The following DZIP3 variants were observed in gnomAD, a reference collection of about 807,000 sequenced individuals.
DZIP3 encodes DAZ interacting zinc finger protein 3, also known as E3 ubiquitin-protein ligase DZIP3.
DZIP3 carries 118 observed loss-of-function variants against 162.0 expected under a neutral mutation model. The ratio of observed to expected loss-of-function variants is 0.73; its 90% CI spans 0.63 to 0.85. The LOEUF (loss-of-function observed/expected upper bound fraction) is 0.85. DZIP3 is among the 40% of genes least tolerant of loss of function. The pLI, the probability that DZIP3 is intolerant of heterozygous loss-of-function variation, is 0.00. For missense variants in DZIP3, 1,331 were observed against 1,407.0 expected (o/e 0.95, Z 0.86); for synonymous variants, 438 against 458.6 (o/e 0.96, Z 0.57).
chr3:108,673,922 A>C (rs1944011066), intron 23 of DZIP3, among the ~76,000 whole-genome samples, 156 bp from the exon 24 acceptor site: 1 of 151,996 alleles, frequency 6.6e-6, no homozygotes, highest in African/African-American at 2.4e-5. Flanking sequence ...GCATTGATTT[A>C]AAAGCTTTTG....
At chr3:108,619,453 A>G (rs1941212917) in intron 5 of DZIP3, among the ~76,000 whole-genome samples, 1 of 152,172 alleles carries the variant, frequency 6.6e-6, no homozygotes, top group Admixed American at 6.5e-5. Context: ...AGCAAGTCCC[A>G]TGATCTGCTC....
chr3:108,662,377 A>G, intron 21 of DZIP3, 120 bp downstream of exon 21: 3 of 1,224,306 alleles, frequency 2.5e-6, no homozygotes, highest in Non-Finnish European at 3.3e-6. Flanking sequence ...CCTCAACCAC[A>G]CGACTGCACT....
intron 21 of DZIP3, among the ~76,000 whole-genome samples, chr3:108,663,362 G>C (rs1272392537): frequency 6.6e-6 from 1 of 152,022 alleles, no homozygotes; most frequent in African/African-American, 2.4e-5. Flanking sequence ...TTCGAAACCA[G>C]CCTGACCAAC....
chr3:108,676,928 G>A (rs987924358), intron 25 of DZIP3, among the ~76,000 whole-genome samples: 2 of 152,114 alleles, frequency 1.3e-5, no homozygotes, highest in Admixed American at 6.6e-5. Flanking sequence ...TGTTGAAAAT[G>A]TGTTGTTAAA....
intron 26 of DZIP3, among the ~76,000 whole-genome samples, chr3:108,680,815 C>A (rs952689498): frequency 6.6e-6 from 1 of 152,140 alleles, no homozygotes; most frequent in African/African-American, 2.4e-5. Context: ...TTACAACCAT[C>A]TGATCTTTGA....
intron 11 of DZIP3, 82 bp from the exon 12 acceptor site, chr3:108,637,414 C>A: frequency 7.9e-7 from 1 of 1,268,044 alleles, no homozygotes; most frequent in Non-Finnish European, 1.1e-6. Context: ...TTGTATGTTT[C>A]AAATGTTAAG....
At chr3:108,636,782 G>C (rs1217483879) in intron 11 of DZIP3, 74 bp downstream of exon 11, 1 of 1,035,960 alleles carries the variant, frequency 9.7e-7, no homozygotes, top group Non-Finnish European at 1.4e-6. Flanking sequence ...ACTTGAAACA[G>C]ACCTGGGGAT....
intron 21 of DZIP3, among the ~76,000 whole-genome samples, chr3:108,668,733 A>G (rs941857885): frequency 5.3e-5 from 8 of 151,962 alleles, no homozygotes; most frequent in Admixed American, 3.3e-4. Context: ...AACATTAACT[A>G]TAAGTCTCTA....
chr3:108,632,459 T>C (rs1941934914), intron 8 of DZIP3, among the ~76,000 whole-genome samples: 1 of 152,202 alleles, frequency 6.6e-6, no homozygotes, highest in African/African-American at 2.4e-5. Flanking sequence ...ACTAAAGACA[T>C]TGAAAACATA....
At chr3:108,649,185 T>C (rs1942760410) in intron 17 of DZIP3, among the ~76,000 whole-genome samples, 1 of 151,906 alleles carries the variant, frequency 6.6e-6, no homozygotes, top group South Asian at 2.1e-4. Flanking sequence ...GTAATTTATA[T>C]ATTTGCATAT....
intron 21 of DZIP3, among the ~76,000 whole-genome samples, chr3:108,663,383 C>T (rs559002737): frequency 6.6e-6 from 1 of 151,890 alleles, no homozygotes; most frequent in Non-Finnish European, 1.5e-5. Flanking sequence ...ATGGAAAAAC[C>T]CCATCTCTAC....
intron 4 of DZIP3, among the ~76,000 whole-genome samples, chr3:108,614,225 T>A (rs1940875453): frequency 6.6e-6 from 1 of 152,168 alleles, no homozygotes; most frequent in Admixed American, 6.5e-5. Context: ...AAATGCGTAA[T>A]AAGTATGTCC....
chr3:108,659,341 C>G (rs537562461), intron 19 of DZIP3, among the ~76,000 whole-genome samples: 10 of 152,144 alleles, frequency 6.6e-5, no homozygotes, highest in Non-Finnish European at 1.5e-4. Flanking sequence ...GTTCAACATA[C>G]GCAAATCAAT....
At chr3:108,615,613 A>G (rs1049331639) in intron 4 of DZIP3, among the ~76,000 whole-genome samples, 4 of 152,042 alleles carry the variant, frequency 2.6e-5, no homozygotes, top group Non-Finnish European at 5.9e-5. Flanking sequence ...TAAATTTTCC[A>G]TGCAGATTAT....
chr3:108,650,727 A>T (rs1348319704), intron 17 of DZIP3, among the ~76,000 whole-genome samples: 3 of 151,652 alleles, frequency 2.0e-5, no homozygotes, highest in Non-Finnish European at 3.0e-5. Flanking sequence ...AATAAATTGG[A>T]ATTATATACA....
At position 108,624,449 on chromosome 3, in the gene DZIP3, C is replaced by CCAGATTAAT. The variant is rs760493447; in HGVS notation, c.382_390dup (p.Gln128_Asn130dup). ...ACATATTTTTTTCTTTGTAGGCACA[C>CCAGATTAAT]CAGATTAATATTGGTTATTATTTGA... On this transcript the variant is annotated inframe_insertion, in exon 6 of 33. Coordinates refer to ENST00000361582, the MANE Select transcript of DZIP3 (RefSeq NM_014648.4). 4 of 1,583,756 alleles carry CCAGATTAAT rather than the reference C, an allele frequency of 2.5e-6. No homozygotes were observed.
intron 27 of DZIP3, among the ~76,000 whole-genome samples, chr3:108,685,001 A>G (rs1944447657): frequency 6.6e-6 from 1 of 152,146 alleles, no homozygotes; most frequent in Admixed American, 6.5e-5. Context: ...AAATTCTCTA[A>G]TCTTGATTTT....
At chr3:108,653,503 GTGTGTATATATA>G (rs1942957416) in intron 18 of DZIP3, among the ~76,000 whole-genome samples, 3 of 20,030 alleles carry the variant, frequency 1.5e-4, no homozygotes, top group African/African-American at 2.9e-4. Context: ...CATTGTGTGT[GTGTGTATATATA>G]TATATATATA....
At chr3:108,643,435 A>G (rs968342528) in intron 13 of DZIP3, among the ~76,000 whole-genome samples, 3 of 151,998 alleles carry the variant, frequency 2.0e-5, no homozygotes, top group African/African-American at 7.3e-5. Flanking sequence ...TATTTGAAAT[A>G]TCCGGCAATT....
Sources: gnomAD v4.1 joint callset for allele counts (sites outside exome capture counted in the v4.1 genomes callset) on GRCh38, gnomAD v4.1.1 for gene constraint, MANE v1.5 for transcripts, NCBI Gene and HGNC (gene_info 2026-07-23, HGNC 2026-07-21) for gene names.